ZNF619: variants seen among roughly 807,000 people sequenced by gnomAD.
The protein encoded by ZNF619 is zinc finger protein 619.
Under a neutral mutation model 14.2 loss-of-function variants are expected in ZNF619, and 9 were observed. The ratio of observed to expected loss-of-function variants is 0.64; its 90% CI spans 0.38 to 1.11. The LOEUF is 1.11. Among genes scored for constraint, ZNF619 ranks in the 50% least tolerant of loss-of-function variants. The pLI is 0.01. For synonymous variants in ZNF619, 246 were observed against 252.8 expected (o/e 0.97, Z 0.26); for missense variants, 659 against 680.1 (o/e 0.97, Z 0.34).
intron 2 of ZNF619, among the ~76,000 whole-genome samples, chr3:40,481,607 C>T (rs556056768): frequency 1.4e-4 from 22 of 152,254 alleles, no homozygotes; most frequent in African/African-American, 4.3e-4. Flanking sequence ...ATATACCTGG[C>T]CTGTGGAACC....
intron 4 of ZNF619, chr3:40,483,736 C>T (rs1219515185): frequency 7.3e-6 from 3 of 409,064 alleles, no homozygotes; most frequent in Admixed American, 5.3e-5. Context: ...ACAAGCGATT[C>T]TCCTGCCTCA....
intron 4 of ZNF619, among the ~76,000 whole-genome samples, chr3:40,485,063 G>A (rs1461210788): frequency 6.6e-6 from 1 of 151,968 alleles, no homozygotes; most frequent in African/African-American, 2.4e-5. Flanking sequence ...AATTAGATGG[G>A]ACTACTGGCA....
At position 40,487,196 on chromosome 3, in the gene ZNF619, A is replaced by C; in HGVS notation, c.686A>C (p.Glu229Ala). 1 of 1,614,238 alleles carries C rather than the reference A, an allele frequency of 6.2e-7. No individual in the cohort carries two copies. The highest frequency in any genetic ancestry group is 8.5e-7 in the Non-Finnish European group (1 of 1,180,048). ...CTGCATCAGAGAGTTCACACTAATG[A>C]GAAGCCCTACACATGCAAAGAATGT... The part of the protein sequence containing the change: ...FHLHQRVHTN[E>A]KPYTCKECGK... The change falls in exon 5 of 5, where the codon GAG (glutamate) becomes GCG (alanine). Residue 229 changes from glutamate to alanine, a missense_variant. Coordinates refer to ENST00000432264, the MANE Select transcript of ZNF619 (RefSeq NM_001145093.4).
At chr3:40,482,843 C>G in intron 4 of ZNF619, 139 bp downstream of exon 4, 1 of 638,074 alleles carries the variant, frequency 1.6e-6, no homozygotes, top group Non-Finnish European at 2.7e-6. Context: ...AGAAGTGTTG[C>G]TTACCAGAAC....
At chr3:40,481,548 GTGAAAGACGGTTACCTGC>G (rs1250698808) in intron 2 of ZNF619, among the ~76,000 whole-genome samples, 1 of 152,200 alleles carries the variant, frequency 6.6e-6, no homozygotes, top group African/African-American at 2.4e-5. Flanking sequence ...TGGAGGCAGG[GTGAAAGACGGTTACCTGC>G]TGTGGTCGAT....
chr3:40,488,233 T>A lies in ZNF619; in HGVS notation c.1723T>A (p.Ser575Thr). ...SLQSPNPLSH[S>T]L is the part of the protein sequence containing the mutation. ...TCAGAGCCCGAATCCTTTGTCTCAC[T>A]CCCTGTAAGCCCCGTCACGTTCTCA... Residue 575 changes from serine to threonine, a missense_variant, in exon 5 of 5, where the codon TCC (serine) becomes ACC (threonine). Physicochemically the swap from Ser to Thr is moderately conservative, Grantham distance 58. Coordinates refer to ENST00000432264, the MANE Select transcript of ZNF619 (RefSeq NM_001145093.4). 6.5e-7 allele frequency: 1 copy of A among 1,528,826 alleles called. No homozygotes were observed. Among genetic ancestry groups the A allele is most frequent in the Non-Finnish European group, 9.0e-7 (1 of 1,112,502 alleles). 94.7% of individuals were successfully genotyped at this position (1,528,826 alleles called of 1,614,324 possible).
chr3:40,485,636 G>T, intron 4 of ZNF619, among the ~76,000 whole-genome samples: 1 of 149,790 alleles, frequency 6.7e-6, no homozygotes, highest in Admixed American at 6.6e-5. Context: ...ACATTGTTTT[G>T]TTTCGGTTTC....
At chr3:40,478,883 C>T (rs1697288858) in intron 2 of ZNF619, among the ~76,000 whole-genome samples, 1 of 152,124 alleles carries the variant, frequency 6.6e-6, no homozygotes, top group African/African-American at 2.4e-5. Flanking sequence ...AAATTCATTC[C>T]TACAAGTCAG....
At position 40,487,946 on chromosome 3, in the gene ZNF619, C is replaced by A; in HGVS notation, c.1436C>A (p.Thr479Asn). 1 of 1,614,204 alleles carries A rather than the reference C, an allele frequency of 6.2e-7. No homozygotes were observed. Among genetic ancestry groups the A allele is most frequent in the South Asian group, 1.1e-5 (1 of 91,080 alleles). The change falls in exon 5 of 5, where the codon ACT (threonine) becomes AAT (asparagine). Residue 479 changes from threonine (T) to asparagine (N), a missense_variant. Thr to Asn is a moderately conservative substitution (Grantham distance 65). Coordinates refer to ENST00000432264, the MANE Select transcript of ZNF619 (RefSeq NM_001145093.4). Reference protein sequence around the residue: ...ASFIQHQKWHTRKKLINGTGL... With the variant: ...ASFIQHQKWHNRKKLINGTGL... ...TTCATCCAGCATCAGAAGTGGCATA[C>A]TAGGAAGAAACTCATCAATGGAACA...
Position 40,486,931 on chromosome 3 carries a change from G to A in ZNF619, c.421G>A (p.Asp141Asn), listed in dbSNP as rs1411617827. 1 of 1,614,044 alleles carries A rather than the reference G, an allele frequency of 6.2e-7. No individual in the cohort carries two copies. Among genetic ancestry groups the A allele is most frequent in the Non-Finnish European group, 8.5e-7 (1 of 1,180,056 alleles). ...MDVPQHPDFKDRLEKSQLHDT... is the reference protein window; with the variant it reads ...MDVPQHPDFKNRLEKSQLHDT... ...CGTTCCCCAGCACCCTGACTTCAAG[G>A]ACAGGTTAGAGAAGTCACAGCTACA... Residue 141 changes from aspartate to asparagine, a missense_variant, in exon 5 of 5, where the codon GAC becomes AAC. Asp to Asn is a conservative substitution (Grantham distance 23). Coordinates refer to ENST00000432264, the MANE Select transcript of ZNF619 (RefSeq NM_001145093.4).
intron 3 of ZNF619, 128 bp downstream of exon 3, chr3:40,482,144 C>G (rs1697421418): frequency 2.6e-6 from 4 of 1,547,398 alleles, no homozygotes; most frequent in Non-Finnish European, 3.5e-6. Context: ...CCCTAATCCC[C>G]AGTGCCAGGG....
rs61733800 is a variant in ZNF619, at chr3:40,487,056, G to A, written c.546G>A (p.Leu182=). The A allele has an allele frequency of 0.01, 16,883 of 1,614,114 alleles. 105 individuals carry two copies. Among genetic ancestry groups the A allele is most frequent in the Non-Finnish European group, 0.012 (14,616 of 1,180,034 alleles). ...TTEREEIARK[L]EESSVSTHLI... is the part of the protein sequence containing the mutation. ...AAAGGGAGGAGATAGCCAGGAAATT[G>A]GAAGAAAGTAGTGTCAGCACACATC... Residue 182 remains leucine, a synonymous_variant, in exon 5 of 5, where the codon TTG becomes TTA. Transcript: ENST00000432264.
intron 1 of ZNF619, 44 bp from the exon 2 acceptor site, chr3:40,477,874 T>G (rs1575259906): frequency 4.6e-6 from 5 of 1,084,620 alleles, no homozygotes; most frequent in Non-Finnish European, 4.1e-6. Flanking sequence ...AGGCGGCAAG[T>G]GTAGGAGACG....
In ZNF619 at chr3:40,482,370, G is replaced by A. The variant is rs144332376; in HGVS notation, c.179-218G>A. 2,386 of 1,569,608 alleles carry A rather than the reference G, an allele frequency of 1.5e-3. 3 individuals carry two copies. The highest frequency in any genetic ancestry group is 1.8e-3 in the Non-Finnish European group (2,050 of 1,156,586). On this transcript the variant is annotated intron_variant, in intron 3 of 4. Coordinates refer to ENST00000432264, the MANE Select transcript of ZNF619 (RefSeq NM_001145093.4). Reference sequence around the variant, plus strand: ...TATGTGTGAGTCCCCTAGGGCCCTCGTGTACACACCCCCCAGTGACTCTGG... The same window carrying A: ...TATGTGTGAGTCCCCTAGGGCCCTCATGTACACACCCCCCAGTGACTCTGG...
intron 4 of ZNF619, 129 bp from the exon 5 acceptor site, chr3:40,486,677 G>T: frequency 1.6e-6 from 1 of 641,868 alleles, no homozygotes; most frequent in East Asian, 2.8e-5. Context: ...CTCCAGCCTG[G>T]GCAACAAGAG....
At chr3:40,478,843 C>T (rs1697287959) in intron 2 of ZNF619, among the ~76,000 whole-genome samples, 1 of 152,092 alleles carries the variant, frequency 6.6e-6, no homozygotes, top group South Asian at 2.1e-4. Context: ...GGATATTGGA[C>T]CATCCACTTC....
rs78638722 is a variant in ZNF619 at position 40,486,790 on chromosome 3, C to A, written c.296-16C>A. ...AATAAATAAGGGACTTTTATGTTTT[C>A]TTTTTATCATGCTAGGTGGTAAAAC... On this transcript the variant is annotated splice_polypyrimidine_tract_variant and intron_variant, in intron 4 of 4. Transcript: ENST00000432264. The A allele has an allele frequency of 6.8e-3, 10,570 of 1,551,340 alleles. 584 individuals are homozygous for A. In the African/African-American group the frequency reaches 0.13, roughly 18 times the overall value.
At position 40,486,840 on chromosome 3, in the gene ZNF619, T is replaced by G. The variant is rs1291869822; in HGVS notation, c.330T>G (p.Thr110=). The change falls in exon 5 of 5, where the codon ACT becomes ACG. Residue 110 remains threonine (T), a synonymous_variant. Coordinates refer to ENST00000432264, the MANE Select transcript of ZNF619 (RefSeq NM_001145093.4). ...GKTKTENEEK[T]AQLNISKESE... ...CCAAGACTGAGAATGAGGAAAAAAC[T>G]GCACAGCTAAACATTTCTAAAGAAT... 4 of 1,605,796 alleles carry G rather than the reference T, an allele frequency of 2.5e-6. No homozygotes were observed.
At position 40,479,496 on chromosome 3, in the gene ZNF619, C is replaced by G. The variant is rs143059339; in HGVS notation, c.24+1493C>G. Among the ~76,000 whole-genome samples the G allele has an allele frequency of 3.9e-5, 6 of 152,272 alleles. No homozygotes were observed. In the East Asian group the frequency reaches 1.2e-3, roughly 29 times the overall value. On this transcript the variant is annotated intron_variant, in intron 2 of 4. Coordinates refer to ENST00000432264, the MANE Select transcript of ZNF619 (RefSeq NM_001145093.4). The stretch of plus-strand genomic sequence containing the variant: ...GATATCATGTGCCAGGTGATATCTT[C>G]GTGCGTTACAGATAATAACTTAATG...
Sources: allele counts gnomAD v4.1 joint callset (sites outside exome capture counted in the v4.1 genomes callset), GRCh38; gene constraint gnomAD v4.1.1; transcripts MANE v1.5; gene names NCBI Gene and HGNC (gene_info 2026-07-23, HGNC 2026-07-21).